CADPS: variants seen among roughly 807,000 people sequenced by gnomAD.
The protein encoded by CADPS is calcium dependent secretion activator.
In CADPS, 57 loss-of-function variants were observed where a neutral mutation model predicts 167.3. That is an observed-to-expected ratio of 0.34 (90% CI 0.28 to 0.42). The LOEUF is 0.42. Among genes scored for constraint, CADPS ranks in the 20% least tolerant of loss-of-function variants. The pLI is 1.00. For missense variants in CADPS, 1,414 were observed against 1,738.1 expected, an observed-to-expected ratio of 0.81 and a Z score of 3.32; for synonymous variants, 676 against 635.3, an observed-to-expected ratio of 1.06 and a Z score of -0.96.
At chr3:62,716,146 G>C (rs967167238) in intron 3 of CADPS, among the ~76,000 whole-genome samples, 1 of 152,046 alleles carries the variant, frequency 6.6e-6, no homozygotes, top group Admixed American at 6.5e-5. Context: ...TGCAACCTTT[G>C]CCTCTTGGGT....
chr3:62,618,834 A>G (rs1447614220), intron 6 of CADPS, among the ~76,000 whole-genome samples: 1 of 152,190 alleles, frequency 6.6e-6, no homozygotes, highest in African/African-American at 2.4e-5. Flanking sequence ...GTATGTATTC[A>G]TTTGTTGGCA....
At chr3:62,868,356 G>T (rs1033600446) in intron 1 of CADPS, among the ~76,000 whole-genome samples, 3 of 152,014 alleles carry the variant, frequency 2.0e-5, no homozygotes, top group Non-Finnish European at 4.4e-5. Flanking sequence ...TGGTGGATGG[G>T]TATCTTGGAC....
chr3:62,495,704 C>T (rs772719833), intron 18 of CADPS, among the ~76,000 whole-genome samples: 18 of 152,064 alleles, frequency 1.2e-4, no homozygotes, highest in Non-Finnish European at 2.4e-4. Flanking sequence ...CATATACATA[C>T]GTATACATAG....
chr3:62,768,362 G>T (rs1435927020), intron 1 of CADPS, among the ~76,000 whole-genome samples: 3 of 152,262 alleles, frequency 2.0e-5, no homozygotes, highest in Non-Finnish European at 1.5e-5. Flanking sequence ...GTGATTTTGG[G>T]AGTGGGGTGG....
intron 1 of CADPS, among the ~76,000 whole-genome samples, chr3:62,787,581 A>G (rs1283837841): frequency 6.6e-6 from 1 of 152,310 alleles, no homozygotes; most frequent in South Asian, 2.1e-4. Flanking sequence ...AATTATTAAT[A>G]AATGAGTACA....
chr3:62,721,314 C>G (rs2075786710), intron 3 of CADPS, among the ~76,000 whole-genome samples: 1 of 151,950 alleles, frequency 6.6e-6, no homozygotes, highest in South Asian at 2.1e-4. Context: ...CTGCATGTGC[C>G]TAACAATACT....
chr3:62,603,335 A>C (rs1478504039), intron 6 of CADPS, among the ~76,000 whole-genome samples: 1 of 152,260 alleles, frequency 6.6e-6, no homozygotes, highest in East Asian at 1.9e-4. Flanking sequence ...ATGGTTCAAG[A>C]GGAAGTGAGG....
At chr3:62,408,477 C>G (rs1227542139) in intron 28 of CADPS, among the ~76,000 whole-genome samples, 1 of 152,162 alleles carries the variant, frequency 6.6e-6, no homozygotes, top group Non-Finnish European at 1.5e-5. Flanking sequence ...AAACTTTACC[C>G]CCTGGAAGGG....
intron 6 of CADPS, among the ~76,000 whole-genome samples, chr3:62,630,045 T>C (rs1396655036): frequency 1.3e-5 from 2 of 152,168 alleles, no homozygotes; most frequent in South Asian, 2.1e-4. Flanking sequence ...AATTATTTCA[T>C]TTGTTTACAT....
intron 21 of CADPS, among the ~76,000 whole-genome samples, chr3:62,485,311 A>G (rs1390285118): frequency 6.6e-6 from 1 of 151,892 alleles, no homozygotes; most frequent in African/African-American, 2.4e-5. Flanking sequence ...CCTTTGTTAT[A>G]ATCCATGCTG....
rs565968915 is a variant in CADPS at position 62,805,251 on chromosome 3, C to G, written c.442-39267G>C. Among the ~76,000 whole-genome samples the G allele has an allele frequency of 1.7e-4, 26 of 152,156 alleles. 1 individual carries two copies. The highest frequency in any genetic ancestry group is 1.6e-3 in the Admixed American group (25 of 15,264). On this transcript the variant is annotated intron_variant, in intron 1 of 29. Coordinates refer to ENST00000383710, the MANE Select transcript of CADPS (RefSeq NM_003716.4). ...CTCACTGTTATTGAGAATTCATTTGCTAACATTTCTCAAGCGCTGCTTTCT... is the reference window on the plus strand; with the variant it reads ...CTCACTGTTATTGAGAATTCATTTGGTAACATTTCTCAAGCGCTGCTTTCT...
At position 62,779,545 on chromosome 3, in the gene CADPS, T is replaced by C. The variant is rs568988484; in HGVS notation, c.442-13561A>G. On this transcript the variant is annotated intron_variant, in intron 1 of 29. Coordinates refer to ENST00000383710, the MANE Select transcript of CADPS (RefSeq NM_003716.4). Reference sequence around the variant, plus strand: ...CATCATGTGGCTGCCCATTTTGTATTGTCTGCCCTCTGCCAGGCTTATGGG... The same window carrying C: ...CATCATGTGGCTGCCCATTTTGTATCGTCTGCCCTCTGCCAGGCTTATGGG... The C allele has an allele frequency of 7.5e-6, 4 of 535,254 alleles. No homozygotes were observed. In the Admixed American group the frequency reaches 7.9e-5, roughly 11 times the overall value. The allele number at this position is 535,254 out of a possible 1,614,324, so 33.2% of individuals were successfully genotyped here.
At chr3:62,629,321 C>T (rs1314489053) in intron 6 of CADPS, among the ~76,000 whole-genome samples, 1 of 152,168 alleles carries the variant, frequency 6.6e-6, no homozygotes, top group Non-Finnish European at 1.5e-5. Context: ...CACTAATCTA[C>T]TTTCTGCCTC....
In CADPS at chr3:62,465,162, C is replaced by A; in HGVS notation, c.3636+205G>T. On this transcript the variant is annotated intron_variant, in intron 26 of 29. Transcript: ENST00000383710. This position sits in a 1 kb window ranked among gnomAD's most constrained non-coding sequence, Gnocchi z 4.1. Reference sequence around the variant, plus strand: ...TCATAAAAAATACACACATATTGTACCTTTACAAATGAAATAGAAATGATG... The same window carrying A: ...TCATAAAAAATACACACATATTGTAACTTTACAAATGAAATAGAAATGATG... Among the ~76,000 whole-genome samples the A allele has an allele frequency of 6.6e-6, 1 of 152,066 alleles. No homozygotes were observed. The highest frequency in any genetic ancestry group is 1.9e-4 in the East Asian group (1 of 5,190).
intron 27 of CADPS, among the ~76,000 whole-genome samples, chr3:62,444,853 A>T (rs2149921621): frequency 6.6e-6 from 1 of 152,344 alleles, no homozygotes; most frequent in African/African-American, 2.4e-5. Context: ...AAGTATTTGA[A>T]CAAGGGGGGT....
intron 3 of CADPS, among the ~76,000 whole-genome samples, chr3:62,710,716 C>T (rs2083240139): frequency 6.6e-6 from 1 of 152,134 alleles, no homozygotes; most frequent in African/African-American, 2.4e-5. Context: ...GGACTTCCCA[C>T]CTCTGCCACC....
At chr3:62,761,960 C>G (rs1372330182) in intron 2 of CADPS, among the ~76,000 whole-genome samples, 1 of 152,134 alleles carries the variant, frequency 6.6e-6, no homozygotes, top group African/African-American at 2.4e-5. Flanking sequence ...CAGGAAAGGA[C>G]AAAAATAAAC....
chr3:62,719,594 CA>C (rs1339994509), intron 3 of CADPS, among the ~76,000 whole-genome samples: 1 of 152,184 alleles, frequency 6.6e-6, no homozygotes, highest in Admixed American at 6.5e-5. Context: ...TTCTCAGTGC[CA>C]AGCACAGTGC....
chr3:62,610,573 A>G (rs2061368530), intron 6 of CADPS, among the ~76,000 whole-genome samples: 1 of 152,206 alleles, frequency 6.6e-6, no homozygotes, highest in African/African-American at 2.4e-5. Context: ...GAGGAAGGCC[A>G]TAACTAAACT....
Sources: gnomAD v4.1 joint callset for allele counts (sites outside exome capture counted in the v4.1 genomes callset) on GRCh38, gnomAD v4.1.1 for gene constraint, Gnocchi (gnomAD v3.1) non-coding constraint, MANE v1.5 for transcripts, NCBI Gene and HGNC (gene_info 2026-07-23, HGNC 2026-07-21) for gene names.